Variants in SPECC1 observed in about 807,000 individuals in gnomAD.
The protein encoded by SPECC1 is cytospin-B.
In SPECC1, 62 loss-of-function variants were observed where a neutral mutation model predicts 104.1. The ratio of observed to expected loss-of-function variants is 0.60; its 90% confidence interval spans 0.49 to 0.74. The LOEUF (loss-of-function observed/expected upper bound fraction) is 0.74. Among genes scored for constraint, SPECC1 ranks in the 30% least tolerant of loss-of-function variants. The pLI, the probability that SPECC1 is intolerant of heterozygous loss-of-function variation, is 0.00. For synonymous variants in SPECC1, 513 were observed against 501.6 expected (o/e 1.02, Z -0.30); for missense variants, 1,306 against 1,310.5 (o/e 1.00, Z 0.05).
intron 4 of SPECC1, among the ~76,000 whole-genome samples, chr17:20,213,639 A>T (rs1388153453): frequency 6.6e-6 from 1 of 152,168 alleles, no homozygotes; most frequent in Non-Finnish European, 1.5e-5. Context: ...TTTGACCTCT[A>T]CCTGAGTCTT....
chr17:20,187,930 G>A (rs927222074), intron 3 of SPECC1, among the ~76,000 whole-genome samples: 3 of 152,190 alleles, frequency 2.0e-5, no homozygotes, highest in African/African-American at 7.2e-5. Flanking sequence ...CGTGGAAGAG[G>A]CAATAAATTT....
intron 2 of SPECC1, among the ~76,000 whole-genome samples, chr17:20,100,189 C>G (rs376523117): frequency 2.6e-5 from 4 of 152,132 alleles, no homozygotes; most frequent in African/African-American, 9.7e-5. Flanking sequence ...CCTGTCCTCT[C>G]CAGGCCTGAT....
chr17:20,175,915 C>T (rs1464556840), intron 3 of SPECC1, among the ~76,000 whole-genome samples: 1 of 152,198 alleles, frequency 6.6e-6, no homozygotes, highest in Non-Finnish European at 1.5e-5. Flanking sequence ...TTCAACTACT[C>T]ATAAAAGAGA....
At chr17:20,054,834 G>C in intron 1 of SPECC1, among the ~76,000 whole-genome samples, 1 of 151,984 alleles carries the variant, frequency 6.6e-6, no homozygotes, top group Non-Finnish European at 1.5e-5. Flanking sequence ...TGTATTTTCT[G>C]TAGAGACAGG....
At chr17:20,298,944 A>AGTGTGTGTGTGTGTGTGT (rs1422097054) in intron 13 of SPECC1, among the ~76,000 whole-genome samples, 1 of 41,490 alleles carries the variant, frequency 2.4e-5, no homozygotes, top group African/African-American at 1.5e-4. Context: ...AGAGAGAGAG[A>AGTGTGTGTGTGTGTGTGT]GAGAGTGTGT....
intron 7 of SPECC1, among the ~76,000 whole-genome samples, chr17:20,232,716 C>T (rs867906381): frequency 1.4e-4 from 21 of 152,274 alleles, no homozygotes; most frequent in African/African-American, 4.6e-4. Flanking sequence ...TTTATTAATG[C>T]AGGGGAGTGC....
rs202164673 is a variant in SPECC1, at chr17:20,205,163, T to A, written c.1114T>A (p.Ser372Thr). The change falls in exon 4 of 15, where the codon TCC (serine) becomes ACC (threonine). Residue 372 changes from serine (S) to threonine (T), a missense_variant. By Grantham distance (58) the Ser-to-Thr change is moderately conservative. Around this residue, in one of 2 missense-constraint regions of SPECC1, gnomAD observed 1,177 missense variants for 1,139.9 expected, o/e 1.03. Coordinates refer to ENST00000395527, the MANE Select transcript of SPECC1 (RefSeq NM_001243439.2). ...PNSVSELSLA[S>T]LTEKIQKMEE... ...CAGCGTAAGTGAATTGTCCCTGGCT[T>A]CCCTCACAGAGAAGATACAAAAGAT... is the stretch of plus-strand genomic sequence containing the variant. 251 of 1,614,068 alleles carry A rather than the reference T, an allele frequency of 1.6e-4. 2 individuals are homozygous for A. In the Middle Eastern group the frequency reaches 3.6e-3, roughly 23 times the overall value.
At chr17:20,260,754 G>C (rs1241316802) in intron 12 of SPECC1, among the ~76,000 whole-genome samples, 6 of 152,202 alleles carry the variant, frequency 3.9e-5, no homozygotes, top group Non-Finnish European at 5.9e-5. Context: ...TGAGCTGGTA[G>C]GGATTTTTTT....
At position 20,189,089 on chromosome 17, in the gene SPECC1, G is replaced by A. The variant is rs564632888; in HGVS notation, c.284-15244G>A. On this transcript the variant is annotated intron_variant, in intron 3 of 14. Coordinates refer to ENST00000395527, the MANE Select transcript of SPECC1 (RefSeq NM_001243439.2). ...AGACTAGGTGGTTCTCACTTGCATC[G>A]AGCCTCCGTAACCTGGAGGTTAGCT... 3.3e-5 allele frequency among the ~76,000 whole-genome samples: 5 copies of A among 152,220 alleles called. No individual in the cohort carries two copies. The South Asian group carries it at 8.3e-4, about 25-fold the overall frequency.
At chr17:20,302,910 A>AC (rs2041639474) in intron 13 of SPECC1, among the ~76,000 whole-genome samples, 1 of 149,596 alleles carries the variant, frequency 6.7e-6, no homozygotes, top group African/African-American at 2.5e-5. Context: ...AAAAGAGGAA[A>AC]GAAAACAAGT....
intron 1 of SPECC1, among the ~76,000 whole-genome samples, chr17:20,055,036 T>G (rs1357584015): frequency 2.0e-5 from 3 of 152,242 alleles, no homozygotes; most frequent in Non-Finnish European, 4.4e-5. Context: ...TCTTGAGAGC[T>G]TATTCATCTT....
chr17:20,099,381 G>A (rs181232546), intron 2 of SPECC1, among the ~76,000 whole-genome samples: 8 of 151,780 alleles, frequency 5.3e-5, no homozygotes, highest in Non-Finnish European at 8.8e-5. Context: ...ATTTTTAAAA[G>A]CAGTGTTTAA....
At chr17:20,269,038 GC>G (rs2040310705) in intron 12 of SPECC1, among the ~76,000 whole-genome samples, 1 of 152,198 alleles carries the variant, frequency 6.6e-6, no homozygotes, top group Non-Finnish European at 1.5e-5. Context: ...CGAAGAAGCA[GC>G]CCTGACAAGT....
At chr17:20,080,671 T>C (rs2046935013) in intron 1 of SPECC1, among the ~76,000 whole-genome samples, 1 of 151,892 alleles carries the variant, frequency 6.6e-6, no homozygotes, top group Admixed American at 6.6e-5. Flanking sequence ...CTTGAGGGCC[T>C]CTCCGGGTCT....
chr17:20,248,633 T>G (rs939025793), intron 9 of SPECC1, among the ~76,000 whole-genome samples: 2 of 152,232 alleles, frequency 1.3e-5, no homozygotes, highest in African/African-American at 4.8e-5. Flanking sequence ...GAGCACTTCT[T>G]CGTATGATTA....
intron 3 of SPECC1, among the ~76,000 whole-genome samples, chr17:20,182,415 C>T (rs1309604216): frequency 6.6e-6 from 1 of 152,144 alleles, no homozygotes; most frequent in East Asian, 1.9e-4. Flanking sequence ...CACGCCCAAC[C>T]TCTTCAATTT....
chr17:20,289,609 A>G (rs1324607038), intron 12 of SPECC1, among the ~76,000 whole-genome samples: 1 of 152,182 alleles, frequency 6.6e-6, no homozygotes, highest in African/African-American at 2.4e-5. Context: ...CCTGGCCAAA[A>G]AGGGAACACT....
At chr17:20,239,988 GAC>G (rs1169757860) in intron 7 of SPECC1, among the ~76,000 whole-genome samples, 1 of 138,854 alleles carries the variant, frequency 7.2e-6, no homozygotes, top group Non-Finnish European at 1.5e-5. Context: ...CAACCTCCTG[GAC>G]TTGAGCAGTC....
chr17:20,253,775 C>A (rs2039720754), intron 10 of SPECC1, among the ~76,000 whole-genome samples, 189 bp downstream of exon 10: 1 of 152,182 alleles, frequency 6.6e-6, no homozygotes, highest in African/African-American at 2.4e-5. Flanking sequence ...GAAAAAGTGT[C>A]TCCTGCCAGC....
Sources: allele counts gnomAD v4.1 joint callset (sites outside exome capture counted in the v4.1 genomes callset), GRCh38; gene constraint gnomAD v4.1.1; regional missense constraint gnomAD v4.1.1; transcripts MANE v1.5; gene names NCBI Gene and HGNC (gene_info 2026-07-23, HGNC 2026-07-21).